Variants in TENM3 observed in about 807,000 individuals in gnomAD.
The protein encoded by TENM3 is teneurin transmembrane protein 3, also known as teneurin-3.
TENM3 carries 63 observed loss-of-function variants against 255.1 expected under a neutral mutation model. The ratio of observed to expected loss-of-function variants is 0.25; its 90% CI spans 0.20 to 0.30. The LOEUF (loss-of-function observed/expected upper bound fraction) is 0.30. Ranked by LOEUF, TENM3 falls within the 10% of genes least tolerant of loss-of-function variation. The probability of loss-of-function intolerance (pLI) is 1.00; values close to 1 mark genes in which losing one functional copy is unlikely to be tolerated. For missense variants in TENM3, 2,929 were observed against 3,461.1 expected (o/e 0.85, Z 3.86); for synonymous variants, 1,306 against 1,322.3 (o/e 0.99, Z 0.27).
chr4:181,662,563 G>A, the TENM3 span, among the ~76,000 whole-genome samples: 1 of 152,038 alleles, frequency 6.6e-6, no homozygotes, highest in Non-Finnish European at 1.5e-5. Context: ...CCTCGGCCTG[G>A]GCAAAGACCC....
chr4:181,483,797 A>G, the TENM3 span, among the ~76,000 whole-genome samples: 1 of 152,128 alleles, frequency 6.6e-6, no homozygotes, highest in Non-Finnish European at 1.5e-5. Context: ...CTTCCCTTTC[A>G]AAAGGCTATG....
chr4:182,337,582 T>C (rs1580207004), intron 2 of TENM3, among the ~76,000 whole-genome samples: 1 of 152,236 alleles, frequency 6.6e-6, no homozygotes, highest in South Asian at 2.1e-4. Flanking sequence ...AACTTTCATA[T>C]GTAAAATGAC....
intron 9 of TENM3, 40 bp from the exon 10 acceptor site, chr4:182,680,503 A>C (rs1296335945): frequency 6.2e-7 from 1 of 1,604,924 alleles, no homozygotes; most frequent in Non-Finnish European, 8.5e-7. Context: ...GCTCGGTGGA[A>C]AGTGTGGCTG....
At chr4:181,828,952 C>G in the TENM3 span, among the ~76,000 whole-genome samples, 1 of 152,146 alleles carries the variant, frequency 6.6e-6, no homozygotes, top group Admixed American at 6.5e-5. Flanking sequence ...GTCAGGGACC[C>G]CCTCTGGTGA....
chr4:182,773,400 C>G, intron 22 of TENM3, 72 bp from the exon 23 acceptor site: 1 of 1,363,554 alleles, frequency 7.3e-7, no homozygotes, highest in Non-Finnish European at 1.0e-6. Flanking sequence ...AATATTGCTA[C>G]ACATTATATT....
intron 13 of TENM3, among the ~76,000 whole-genome samples, chr4:182,716,351 C>T (rs1473305236): frequency 1.3e-5 from 2 of 152,144 alleles, no homozygotes; most frequent in Non-Finnish European, 2.9e-5. Context: ...TTTTCCTTTT[C>T]CTCAAAATTT....
intron 16 of TENM3, among the ~76,000 whole-genome samples, chr4:182,731,643 C>G (rs115232280): frequency 0.011 from 1,733 of 150,906 alleles, 32 homozygotes; most frequent in African/African-American, 0.039. Context: ...TTATAGAATT[C>G]CAGTGCTATC....
the TENM3 span, among the ~76,000 whole-genome samples, chr4:181,518,097 G>A: frequency 6.6e-6 from 1 of 152,148 alleles, no homozygotes; most frequent in Admixed American, 6.5e-5. Context: ...TTAGGCAACG[G>A]TTGTATAATT....
At chr4:181,919,305 A>T in the TENM3 span, among the ~76,000 whole-genome samples, 1 of 151,974 alleles carries the variant, frequency 6.6e-6, no homozygotes, top group East Asian at 1.9e-4. Flanking sequence ...GCCAACTGGA[A>T]CAGAAAGAGC....
At chr4:182,215,153 G>A (rs1352092854) in intron 1 of TENM3, among the ~76,000 whole-genome samples, 1 of 152,220 alleles carries the variant, frequency 6.6e-6, no homozygotes, top group Admixed American at 6.5e-5. Flanking sequence ...TGTCACTGGG[G>A]CAGCAGGGTT....
chr4:182,687,557 G>C (rs953451509), intron 11 of TENM3, among the ~76,000 whole-genome samples: 2 of 152,094 alleles, frequency 1.3e-5, no homozygotes, highest in Non-Finnish European at 2.9e-5. Flanking sequence ...TAAGAAATTT[G>C]TATCTGTCAA....
chr4:182,023,509 G>C, the TENM3 span, among the ~76,000 whole-genome samples: 8 of 152,152 alleles, frequency 5.3e-5, no homozygotes, highest in African/African-American at 1.9e-4. Flanking sequence ...CTGATTACCA[G>C]ACAAATTTTG....
At chr4:182,699,291 T>C (rs549231954) in intron 12 of TENM3, among the ~76,000 whole-genome samples, 23 of 152,194 alleles carry the variant, frequency 1.5e-4, no homozygotes, top group Non-Finnish European at 3.2e-4. Flanking sequence ...CTGGGAGCAA[T>C]ACATAAGCAA....
rs11348241 is a variant in TENM3, at chr4:182,719,252, C to CTTTTTTTTTTTTTT, written c.2368+5033_2368+5046dup. Among the ~76,000 whole-genome samples the CTTTTTTTTTTTTTT allele has an allele frequency of 5.3e-4, 43 of 80,872 alleles. 3 individuals are homozygous for CTTTTTTTTTTTTTT. Among genetic ancestry groups the CTTTTTTTTTTTTTT allele is most frequent in the Non-Finnish European group, 4.1e-4 (19 of 46,478 alleles). 53.1% of individuals were successfully genotyped at this position (80,872 alleles called of 152,430 possible). ...AGTAAAATAGAGTTCTTTTTTTTTT[C>CTTTTTTTTTTTTTT]TTTTTTTTTTTTTTTTTTTTTTTTT... On this transcript the variant is annotated intron_variant, in intron 13 of 27. Coordinates refer to ENST00000511685, the MANE Select transcript of TENM3 (RefSeq NM_001080477.4).
the TENM3 span, among the ~76,000 whole-genome samples, chr4:182,017,750 C>T: frequency 6.6e-6 from 1 of 152,164 alleles, no homozygotes; most frequent in African/African-American, 2.4e-5. Flanking sequence ...TATAAATTGT[C>T]TTAGTATTGA....
chr4:182,636,519 C>T (rs1751853701), intron 5 of TENM3, among the ~76,000 whole-genome samples: 1 of 152,048 alleles, frequency 6.6e-6, no homozygotes, highest in African/African-American at 2.4e-5. Context: ...AGTTCAAGAC[C>T]AGCCTGGCCA....
chr4:181,913,264 C>G, the TENM3 span, among the ~76,000 whole-genome samples: 1 of 152,098 alleles, frequency 6.6e-6, no homozygotes, highest in African/African-American at 2.4e-5. Flanking sequence ...TAAAATATAC[C>G]TTGCAAACAA....
intron 11 of TENM3, among the ~76,000 whole-genome samples, chr4:182,683,752 T>G (rs536989598): frequency 3.9e-5 from 6 of 152,088 alleles, no homozygotes; most frequent in Non-Finnish European, 7.4e-5. Context: ...CTGTAGATAA[T>G]AAGTCAGAGA....
the TENM3 span, among the ~76,000 whole-genome samples, chr4:182,018,269 A>G: frequency 6.6e-6 from 1 of 152,162 alleles, no homozygotes; most frequent in Non-Finnish European, 1.5e-5. Context: ...TCTGTCCTCT[A>G]TAGCCATCCA....
Sources: allele counts gnomAD v4.1 joint callset (sites outside exome capture counted in the v4.1 genomes callset), GRCh38; gene constraint gnomAD v4.1.1; transcripts MANE v1.5; gene names NCBI Gene and HGNC (gene_info 2026-07-23, HGNC 2026-07-21).